Variants in LRRIQ1 observed in about 807,000 individuals in gnomAD.
LRRIQ1 encodes leucine rich repeats and IQ motif containing 1, also known as leucine-rich repeat- and IQ domain-containing protein 1.
Under a neutral mutation model 211.9 loss-of-function variants are expected in LRRIQ1, and 210 were observed. That is an observed-to-expected ratio of 0.99 (90% CI 0.89 to 1.11). LRRIQ1 has a LOEUF of 1.11. Among genes scored for constraint, LRRIQ1 ranks in the 50% most tolerant of loss-of-function variants. The pLI is 0.00. For synonymous variants in LRRIQ1, 699 were observed against 650.1 expected (o/e 1.08, Z -1.14); for missense variants, 2,136 against 1,939.5 (o/e 1.10, Z -1.90).
chr12:85,176,262 G>T (rs1215494009), intron 24 of LRRIQ1, among the ~76,000 whole-genome samples: 3 of 152,018 alleles, frequency 2.0e-5, no homozygotes, highest in Non-Finnish European at 2.9e-5. Flanking sequence ...GATTCTCTTT[G>T]AAGCAATTGT....
chr12:85,189,527 C>A (rs764272173), intron 24 of LRRIQ1, among the ~76,000 whole-genome samples: 8 of 151,810 alleles, frequency 5.3e-5, no homozygotes, highest in Admixed American at 2.6e-4. Flanking sequence ...AGCAAAATAA[C>A]AAAATTACAT....
chr12:85,098,927 T>A lies in LRRIQ1; in HGVS notation c.3142T>A (p.Ser1048Thr). The change falls in exon 13 of 27, where the codon TCA becomes ACA. Residue 1048 changes from serine to threonine, a missense_variant. Physicochemically the swap from Ser to Thr is moderately conservative, Grantham distance 58. Coordinates refer to ENST00000393217, the MANE Select transcript of LRRIQ1 (RefSeq NM_001079910.2). ...ATTGCACTTGGATGATAACAGCATTTCAACTGTGGAAGCATTTTCTTCATA... is the reference window on the plus strand; with the variant it reads ...ATTGCACTTGGATGATAACAGCATTACAACTGTGGAAGCATTTTCTTCATA... ...RELHLDDNSI[S>T]TVEAFSSYWL... is the part of the protein sequence containing the mutation. 6.3e-7 allele frequency: 1 copy of A among 1,575,178 alleles called. No individual in the cohort carries two copies. Among genetic ancestry groups the A allele is most frequent in the Non-Finnish European group, 8.6e-7 (1 of 1,157,658 alleles).
intron 24 of LRRIQ1, among the ~76,000 whole-genome samples, chr12:85,210,738 C>A (rs1286465328): frequency 6.6e-6 from 1 of 152,000 alleles, no homozygotes; most frequent in Non-Finnish European, 1.5e-5. Context: ...GGAAGTGAGG[C>A]ATGTACTGCC....
At chr12:85,065,921 G>T (rs1882380522) in intron 9 of LRRIQ1, among the ~76,000 whole-genome samples, 1 of 151,882 alleles carries the variant, frequency 6.6e-6, no homozygotes, top group Non-Finnish European at 1.5e-5. Flanking sequence ...TCTTTCCAGG[G>T]TGCTTATAGG....
chr12:85,180,218 T>C (rs2136877047), intron 24 of LRRIQ1, among the ~76,000 whole-genome samples: 1 of 152,072 alleles, frequency 6.6e-6, no homozygotes, highest in South Asian at 2.1e-4. Context: ...CAACCAACTG[T>C]GAGGTTATGG....
chr12:85,267,386 A>ATT (rs1194182547), downstream of LRRIQ1, among the ~76,000 whole-genome samples: 1 of 152,068 alleles, frequency 6.6e-6, no homozygotes, highest in East Asian at 1.9e-4. Context: ...ATTAGCCCCT[A>ATT]AAATTACATG....
rs777593399 is a variant in LRRIQ1 at position 85,098,374 on chromosome 12, AAATCTTC to A, written c.2910_2916del (p.Leu971AsnfsTer2). On this transcript the variant is annotated frameshift_variant, in exon 12 of 27. Transcript: ENST00000393217. LOFTEE classifies it high-confidence loss of function. ...TTCTAGGTGGTTTAGAATCTTTGAA[AAATCTTC>A]AACAACTAATTTTGGACCACAATCA... 2 of 1,607,474 alleles carry A rather than the reference AAATCTTC, an allele frequency of 1.2e-6. No homozygotes were observed. The highest frequency in any genetic ancestry group is 1.7e-6 in the Non-Finnish European group (2 of 1,176,432).
At chr12:85,039,888 T>C (rs1173137271) in intron 2 of LRRIQ1, among the ~76,000 whole-genome samples, 1 of 151,696 alleles carries the variant, frequency 6.6e-6, no homozygotes, top group Non-Finnish European at 1.5e-5. Flanking sequence ...TTATTTGCAT[T>C]ATATTTTCTA....
At chr12:85,245,236 A>T (rs1304026727), downstream of LRRIQ1, 1 of 244,726 alleles carries the variant, frequency 4.1e-6, no homozygotes, top group African/African-American at 2.3e-5. Context: ...AAGATGTTAG[A>T]TTTATATATG....
chr12:85,260,499 G>C (rs917585842), intron 1 of LRRIQ1, among the ~76,000 whole-genome samples: 1 of 152,056 alleles, frequency 6.6e-6, no homozygotes, highest in Non-Finnish European at 1.5e-5. Context: ...GGAACAAAAT[G>C]TATTAGTCAT....
intron 19 of LRRIQ1, among the ~76,000 whole-genome samples, chr12:85,145,587 C>T (rs1277823804): frequency 1.3e-5 from 2 of 151,686 alleles, no homozygotes; most frequent in African/African-American, 4.8e-5. Context: ...TAACAGCAGG[C>T]AGCAAGAGCT....
chr12:85,215,153 C>A (rs1275469217), intron 24 of LRRIQ1, among the ~76,000 whole-genome samples: 1 of 152,082 alleles, frequency 6.6e-6, no homozygotes, highest in African/African-American at 2.4e-5. Context: ...CCTAACAGAA[C>A]TTAGTATTAT....
At chr12:85,074,918 CTTTA>C (rs1171882549) in intron 11 of LRRIQ1, among the ~76,000 whole-genome samples, 2 of 152,004 alleles carry the variant, frequency 1.3e-5, no homozygotes, top group African/African-American at 2.4e-5. Context: ...ATCTAGTTGT[CTTTA>C]TTTCTCTTAT....
intron 18 of LRRIQ1, among the ~76,000 whole-genome samples, chr12:85,134,420 C>G (rs1888980568): frequency 6.6e-6 from 1 of 152,064 alleles, no homozygotes; most frequent in African/African-American, 2.4e-5. Flanking sequence ...TTTTCAGTCT[C>G]AGTCCCCTTT....
Position 85,104,078 on chromosome 12 carries a change from G to C in LRRIQ1, c.3283+1G>C, listed in dbSNP as rs765615194. 2 of 1,502,378 alleles carry C rather than the reference G, an allele frequency of 1.3e-6. No individual in the cohort carries two copies. The highest frequency in any genetic ancestry group is 1.4e-5 in the African/African-American group (1 of 70,718). The allele number at this position is 1,502,378 out of a possible 1,614,324, so 93.1% of individuals were successfully genotyped here. On this transcript the variant is annotated splice_donor_variant, in intron 14 of 26. Transcript: ENST00000393217. LOFTEE classifies it high-confidence loss of function. ...GATGTCAGCCACAATTGTCTTTCTG[G>C]TAAGTTTAGCATAATATATATATTT...
At chr12:85,082,599 G>A (rs1473326597) in intron 11 of LRRIQ1, among the ~76,000 whole-genome samples, 1 of 151,968 alleles carries the variant, frequency 6.6e-6, no homozygotes, top group African/African-American at 2.4e-5. Context: ...TCTCTTTGAT[G>A]CCCATAGGTA....
chr12:85,217,772 GTC>G (rs139792547), intron 24 of LRRIQ1, among the ~76,000 whole-genome samples: 12 of 141,250 alleles, frequency 8.5e-5, no homozygotes, highest in South Asian at 6.4e-4. Flanking sequence ...AAATGTGTGT[GTC>G]TCTCTCTATA....
At position 85,056,644 on chromosome 12, in the gene LRRIQ1, A is replaced by G. The variant is rs1355514416; in HGVS notation, c.1851A>G (p.Thr617=). 6.3e-7 allele frequency: 1 copy of G among 1,598,634 alleles called. No homozygotes were observed. The highest frequency in any genetic ancestry group is 1.4e-5 in the African/African-American group (1 of 73,812). ...ISVKQRSLSL[T]SENSKDVREN... Reference sequence around the variant, plus strand: ...TGAAACAAAGATCACTCTCACTAACATCAGAAAATTCCAAAGATGTAAGAG... The same window carrying G: ...TGAAACAAAGATCACTCTCACTAACGTCAGAAAATTCCAAAGATGTAAGAG... Residue 617 remains threonine, a synonymous_variant, in exon 8 of 27, where the codon ACA becomes ACG. Transcript: ENST00000393217.
chr12:85,058,673 A>C (rs938943226), intron 8 of LRRIQ1, among the ~76,000 whole-genome samples: 51 of 152,056 alleles, frequency 3.4e-4, no homozygotes, highest in African/African-American at 1.2e-3. Flanking sequence ...CAATTTACAT[A>C]AAATGATAAT....
Sources: allele counts gnomAD v4.1 joint callset (sites outside exome capture counted in the v4.1 genomes callset), GRCh38; gene constraint gnomAD v4.1.1; transcripts MANE v1.5; gene names NCBI Gene and HGNC (gene_info 2026-07-23, HGNC 2026-07-21).